Variants in SH3RF3 observed in about 807,000 individuals in gnomAD.
SH3RF3 encodes the protein E3 ubiquitin-protein ligase SH3RF3.
A neutral mutation model predicts 66.3 loss-of-function variants in SH3RF3; 29 were observed. The ratio of observed to expected loss-of-function variants is 0.44; its 90% CI spans 0.33 to 0.60. The LOEUF (loss-of-function observed/expected upper bound fraction) is 0.60. Ranked by LOEUF, SH3RF3 falls within the 20% of genes least tolerant of loss-of-function variation. The pLI is 0.04. For synonymous variants in SH3RF3, 583 were observed against 532.0 expected, an observed-to-expected ratio of 1.10 and a Z score of -1.32; for missense variants, 1,194 against 1,190.9, an observed-to-expected ratio of 1.00 and a Z score of -0.04.
chr2:109,362,891 T>G (rs1312404229), intron 2 of SH3RF3, among the ~76,000 whole-genome samples: 1 of 152,226 alleles, frequency 6.6e-6, no homozygotes, highest in African/African-American at 2.4e-5. Context: ...GGATATCTTT[T>G]GATTAGTGTT....
At chr2:109,357,662 A>G (rs993106261) in intron 2 of SH3RF3, among the ~76,000 whole-genome samples, 1 of 152,050 alleles carries the variant, frequency 6.6e-6, no homozygotes, top group African/African-American at 2.4e-5. Flanking sequence ...GTTTTCTCTC[A>G]GTTTTATATT....
chr2:109,292,069 T>G (rs1390932995), intron 1 of SH3RF3, among the ~76,000 whole-genome samples: 1 of 152,190 alleles, frequency 6.6e-6, no homozygotes. Context: ...TTCACCGTGT[T>G]AGCCAGGATG....
At chr2:109,268,020 C>T (rs1198215922) in intron 1 of SH3RF3, among the ~76,000 whole-genome samples, 9 of 151,872 alleles carry the variant, frequency 5.9e-5, no homozygotes, top group African/African-American at 1.9e-4. Flanking sequence ...GGTCCTTGGA[C>T]TCTGTGTCCA....
intron 1 of SH3RF3, among the ~76,000 whole-genome samples, chr2:109,174,290 G>C (rs947383230): frequency 1.3e-5 from 2 of 152,260 alleles, no homozygotes; most frequent in Admixed American, 6.5e-5. Flanking sequence ...AAGTTGCTTT[G>C]TTTTGGCAAG....
chr2:109,323,119 A>C (rs1559023339), intron 1 of SH3RF3, among the ~76,000 whole-genome samples: 1 of 152,198 alleles, frequency 6.6e-6, no homozygotes, highest in Non-Finnish European at 1.5e-5. Flanking sequence ...CCGGGCTCCC[A>C]GCATATGCTC....
rs2104789090 is a variant in SH3RF3, at chr2:109,129,786, G to A, written c.246G>A (p.Leu82=). Residue 82 remains leucine (L), a synonymous_variant, in exon 1 of 10, where the codon CTG becomes CTA. Transcript: ENST00000309415. ...PCQHTFCRRC[L]ESIVCSRHEL... is the part of the protein sequence containing the mutation. ...AACACACTTTCTGCCGCCGCTGCCT[G>A]GAGAGCATCGTGTGCTCGCGCCACG... The A allele has an allele frequency of 6.5e-7, 1 of 1,539,310 alleles. No homozygotes were observed. The highest frequency in any genetic ancestry group is 1.2e-5 in the South Asian group (1 of 83,306).
At chr2:109,371,190 A>C (rs2105680565) in intron 2 of SH3RF3, among the ~76,000 whole-genome samples, 1 of 152,266 alleles carries the variant, frequency 6.6e-6, no homozygotes, top group Non-Finnish European at 1.5e-5. Context: ...GGAGTTCAAA[A>C]CCAGCCTGGG....
intron 7 of SH3RF3, among the ~76,000 whole-genome samples, chr2:109,439,824 G>C (rs1483189023): frequency 6.6e-6 from 1 of 152,062 alleles, no homozygotes; most frequent in Non-Finnish European, 1.5e-5. Context: ...TTCCACCCCG[G>C]TTAGAGAGAA....
intron 1 of SH3RF3, among the ~76,000 whole-genome samples, chr2:109,344,763 T>C (rs1031067847): frequency 2.0e-5 from 3 of 152,158 alleles, no homozygotes; most frequent in Admixed American, 1.3e-4. Context: ...GGCACAGGGA[T>C]GACTGAAGGT....
chr2:109,423,237 C>T (rs1276391734), intron 5 of SH3RF3, among the ~76,000 whole-genome samples: 3 of 152,072 alleles, frequency 2.0e-5, no homozygotes, highest in Non-Finnish European at 2.9e-5. Flanking sequence ...CCAGGGGAAT[C>T]GTGGCCAGCG....
chr2:109,319,022 G>A (rs1340674426), intron 1 of SH3RF3, among the ~76,000 whole-genome samples: 1 of 152,232 alleles, frequency 6.6e-6, no homozygotes, highest in Non-Finnish European at 1.5e-5. Context: ...GATTACAGAT[G>A]GGAAAGGAGT....
intron 8 of SH3RF3, among the ~76,000 whole-genome samples, chr2:109,486,714 G>A (rs1434022460): frequency 2.2e-4 from 34 of 152,020 alleles, no homozygotes; most frequent in Admixed American, 2.2e-3. Flanking sequence ...GGTTGGCGCA[G>A]GATGTGTTAG....
In SH3RF3 at chr2:109,167,319, G is replaced by A. The variant is rs559072944; in HGVS notation, c.573+37206G>A. Among the ~76,000 whole-genome samples the A allele has an allele frequency of 3.9e-5, 6 of 152,296 alleles. No individual in the cohort carries two copies. In the South Asian group the frequency reaches 1.2e-3, roughly 32 times the overall value. Reference sequence around the variant, plus strand: ...GATGCGGTAGAACCAATTAGAACAAGACTTCTCAGCACTTGCAGGTGGAAC... The same window carrying A: ...GATGCGGTAGAACCAATTAGAACAAAACTTCTCAGCACTTGCAGGTGGAAC... On this transcript the variant is annotated intron_variant, in intron 1 of 9. Coordinates refer to ENST00000309415, the MANE Select transcript of SH3RF3 (RefSeq NM_001099289.3).
intron 1 of SH3RF3, among the ~76,000 whole-genome samples, chr2:109,221,581 CAAAAA>C (rs60310731): frequency 2.5e-4 from 16 of 63,340 alleles, no homozygotes; most frequent in African/African-American, 5.9e-4. Context: ...GACTCCATCT[CAAAAA>C]AAAAAAAAAA....
chr2:109,284,581 G>A (rs1195218918), intron 1 of SH3RF3, among the ~76,000 whole-genome samples: 1 of 152,212 alleles, frequency 6.6e-6, no homozygotes, highest in African/African-American at 2.4e-5. Context: ...TCACAGGGTG[G>A]TTTTGGCTGG....
At chr2:109,419,281 C>G (rs1427999085) in intron 4 of SH3RF3, among the ~76,000 whole-genome samples, 1 of 152,178 alleles carries the variant, frequency 6.6e-6, no homozygotes, top group Non-Finnish European at 1.5e-5. Context: ...CAGTGTGATG[C>G]TGACCAGCCT....
intron 6 of SH3RF3, among the ~76,000 whole-genome samples, 154 bp from the exon 7 acceptor site, chr2:109,436,739 C>T (rs1677410937): frequency 6.6e-6 from 1 of 152,224 alleles, no homozygotes; most frequent in Non-Finnish European, 1.5e-5. Flanking sequence ...GGCCCTTCTG[C>T]CCAGTGACGG....
Position 109,228,941 on chromosome 2 carries a change from A to G in SH3RF3, c.573+98828A>G, listed in dbSNP as rs138086859. 5.4e-3 allele frequency among the ~76,000 whole-genome samples: 816 copies of G among 151,928 alleles called. 11 individuals carry two copies. Among genetic ancestry groups the G allele is most frequent in the African/African-American group, 0.019 (784 of 41,420 alleles). ...TGGAGGATGGGGTATGGAGCTGAAA[A>G]CTCCAAGTTTCTGGTCATGGCTAGG... On this transcript the variant is annotated intron_variant, in intron 1 of 9. Coordinates refer to ENST00000309415, the MANE Select transcript of SH3RF3 (RefSeq NM_001099289.3).
chr2:109,379,979 T>A (rs1410696965), intron 3 of SH3RF3, among the ~76,000 whole-genome samples: 1 of 152,106 alleles, frequency 6.6e-6, no homozygotes, highest in Non-Finnish European at 1.5e-5. Context: ...ACCCACTGTT[T>A]CCCTTACCTT....
Sources: allele counts gnomAD v4.1 joint callset (sites outside exome capture counted in the v4.1 genomes callset), GRCh38; gene constraint gnomAD v4.1.1; transcripts MANE v1.5; gene names NCBI Gene and HGNC (gene_info 2026-07-23, HGNC 2026-07-21).